Variants in PRDM15 observed in about 807,000 individuals in gnomAD.
PRDM15 encodes PR domain zinc finger protein 15.
PRDM15 carries 64 observed loss-of-function variants against 128.6 expected under a neutral mutation model. The ratio of observed to expected loss-of-function variants is 0.50; its 90% CI spans 0.41 to 0.61. The LOEUF (loss-of-function observed/expected upper bound fraction) is 0.61. Among genes scored for constraint, PRDM15 ranks in the 20% least tolerant of loss-of-function variants. PRDM15 has a pLI of 0.00. For missense variants in PRDM15, 1,242 were observed against 1,569.1 expected, an observed-to-expected ratio of 0.79 and a Z score of 3.52; for synonymous variants, 615 against 621.8, an observed-to-expected ratio of 0.99 and a Z score of 0.16.
chr21:41,811,878 C>T lies in PRDM15; in HGVS notation c.2393-1042G>A, dbSNP rs7283957. 5 of 151,884 alleles carry T rather than the reference C, an allele frequency of 3.3e-5. No homozygotes were observed. In the East Asian group the frequency reaches 5.8e-4, roughly 18 times the overall value. 9.4% of individuals were successfully genotyped at this position (151,884 alleles called of 1,614,324 possible). A position where few individuals can be genotyped will look rare whatever the true frequency, so the allele number is the denominator to read the frequency against. On this transcript the variant is annotated intron_variant, in intron 19 of 23. Coordinates refer to ENST00000398548, the MANE Select transcript of PRDM15 (RefSeq NM_001040424.3). This position sits in a 1 kb window ranked among gnomAD's most constrained non-coding sequence, Gnocchi z 4.1. ...TTTTTGTATTTTTAGTAGAGACGGG[C>T]TTTCACCGTGGTCTCGATCTCCTGA...
chr21:41,849,165 C>T (rs765088624), intron 5 of PRDM15, among the ~76,000 whole-genome samples: 9 of 152,244 alleles, frequency 5.9e-5, no homozygotes, highest in Non-Finnish European at 1.2e-4. Context: ...AACAGCCTGG[C>T]ATTCCAGTGG....
At chr21:41,861,584 T>G in intron 1 of PRDM15, 1 of 1,605,656 alleles carries the variant, frequency 6.2e-7, no homozygotes, top group Non-Finnish European at 8.5e-7. Flanking sequence ...TCCTGCAACC[T>G]GCTTCTCTGA....
At chr21:41,867,941 C>T (rs542314915) in intron 1 of PRDM15, among the ~76,000 whole-genome samples, 70 of 151,750 alleles carry the variant, frequency 4.6e-4, no homozygotes, top group Non-Finnish European at 8.2e-4. Context: ...CCTGTAATCC[C>T]AGCTACTTGG....
intron 6 of PRDM15, among the ~76,000 whole-genome samples, chr21:41,845,374 T>A (rs1338196241): frequency 6.8e-6 from 1 of 146,910 alleles, no homozygotes; most frequent in Non-Finnish European, 1.5e-5. Flanking sequence ...TTGGGGCTGC[T>A]CCTCAGTCTC....
Position 41,879,108 on chromosome 21 carries a change from TC to T in PRDM15, c.-10+161del. 1 of 1,088,864 alleles carries T rather than the reference TC, an allele frequency of 9.2e-7. No homozygotes were observed. Among genetic ancestry groups the T allele is most frequent in the South Asian group, 2.4e-5 (1 of 42,356 alleles). 67.5% of individuals were successfully genotyped at this position (1,088,864 alleles called of 1,614,324 possible). A position where few individuals can be genotyped will look rare whatever the true frequency, so the allele number is the denominator to read the frequency against. On this transcript the variant is annotated intron_variant, in intron 1 of 23. Transcript: ENST00000398548. The surrounding 1 kb of genome is among the most constrained non-coding windows in gnomAD (Gnocchi z 5.1). Reference sequence around the variant, plus strand: ...AGCCGGCGAATGTAACAAAGAACAGTCGGCATGGCGGCTGGACCGGGGCGGC... The same window carrying T: ...AGCCGGCGAATGTAACAAAGAACAGTGGCATGGCGGCTGGACCGGGGCGGC...
chr21:41,852,209 G>C (rs1171788754), intron 5 of PRDM15, among the ~76,000 whole-genome samples: 4 of 152,278 alleles, frequency 2.6e-5, no homozygotes, highest in Non-Finnish European at 5.9e-5. Context: ...CCTTAGCCTT[G>C]AGGGTGGTGA....
chr21:41,843,830 T>C (rs866757529), intron 6 of PRDM15, among the ~76,000 whole-genome samples: 4 of 152,106 alleles, frequency 2.6e-5, no homozygotes, highest in Middle Eastern at 3.4e-3. Flanking sequence ...TCACCTGTAG[T>C]TCCAGCTACT....
chr21:41,854,848 G>T lies in PRDM15; in HGVS notation c.286-30C>A. ...AGGTGAGTCGGCCCATGGAGAAGCC[G>T]GGGAAATGGCTGATTACCCATCTGT... On this transcript the variant is annotated intron_variant, in intron 4 of 23. Coordinates refer to ENST00000398548, the MANE Select transcript of PRDM15 (RefSeq NM_001040424.3). The surrounding 1 kb of genome is among the most constrained non-coding windows in gnomAD (Gnocchi z 4.6). 6.3e-7 allele frequency: 1 copy of T among 1,578,444 alleles called. No homozygotes were observed.
intron 1 of PRDM15, among the ~76,000 whole-genome samples, chr21:41,861,379 CAT>C (rs568445521): frequency 2.3e-3 from 357 of 152,306 alleles, no homozygotes; most frequent in African/African-American, 8.2e-3. Flanking sequence ...CCCCCACACA[CAT>C]ATATTCACAG....
chr21:41,822,833 A>AC (rs2062327379), intron 14 of PRDM15, among the ~76,000 whole-genome samples: 2 of 152,048 alleles, frequency 1.3e-5, no homozygotes, highest in Admixed American at 1.3e-4. Context: ...TCAGGAGTTC[A>AC]AGACCAGCCG....
At chr21:41,803,963 AT>A (rs72214468) in intron 22 of PRDM15, among the ~76,000 whole-genome samples, 45,995 of 132,148 alleles carry the variant, frequency 0.35, 7,267 homozygotes, top group East Asian at 0.41. Flanking sequence ...GATTGTTCTG[AT>A]TTTTTTTTTT....
In PRDM15 at chr21:41,828,972, CCACGCA is replaced by C. The variant is rs1393890255; in HGVS notation, c.1367-645_1367-640del. Reference sequence around the variant, plus strand: ...CAATCACACACACCACATACACACACCACGCACACATGCCCCACACAAATACACAAC... The same window carrying C: ...CAATCACACACACCACATACACACACCACATGCCCCACACAAATACACAAC... On this transcript the variant is annotated intron_variant, in intron 11 of 23. Transcript: ENST00000398548. This position sits in a 1 kb window ranked among gnomAD's most constrained non-coding sequence, Gnocchi z 5.7. Among the ~76,000 whole-genome samples the C allele has an allele frequency of 7.0e-6, 1 of 143,238 alleles. No individual in the cohort carries two copies. Among genetic ancestry groups the C allele is most frequent in the Admixed American group, 6.8e-5 (1 of 14,624 alleles). The allele number at this position is 143,238 out of a possible 152,430, so 94.0% of individuals were successfully genotyped here. A position where few individuals can be genotyped will look rare whatever the true frequency, so the allele number is the denominator to read the frequency against.
rs931423156 is a variant in PRDM15 at position 41,811,060 on chromosome 21, A to C, written c.2393-224T>G. 1.9e-6 allele frequency: 1 copy of C among 528,996 alleles called. No homozygotes were observed. The highest frequency in any genetic ancestry group is 3.1e-5 in the Admixed American group (1 of 32,482). 32.8% of individuals were successfully genotyped at this position (528,996 alleles called of 1,614,324 possible). ...TGACATTTCATATCAAAAAAACATG[A>C]GATGTGGGAAAGGCTGTCTGAAAAC... On this transcript the variant is annotated intron_variant, in intron 19 of 23. Transcript: ENST00000398548. The surrounding 1 kb of genome is among the most constrained non-coding windows in gnomAD (Gnocchi z 4.1).
At chr21:41,852,673 C>A (rs1001928018) in intron 5 of PRDM15, among the ~76,000 whole-genome samples, 2 of 152,194 alleles carry the variant, frequency 1.3e-5, no homozygotes, top group Admixed American at 6.5e-5. Context: ...CCAACCTGGC[C>A]GAAGAGGACG....
chr21:41,852,648 A>G (rs1329999197), intron 5 of PRDM15, among the ~76,000 whole-genome samples: 1 of 152,120 alleles, frequency 6.6e-6, no homozygotes, highest in Admixed American at 6.5e-5. Context: ...CCCCCAGTAC[A>G]CTCAGCTCAC....
chr21:41,810,173 A>C lies in PRDM15; in HGVS notation c.2633T>G (p.Met878Arg), dbSNP rs1157430897. 1.9e-6 allele frequency: 3 copies of C among 1,610,372 alleles called. No individual in the cohort carries two copies. Among genetic ancestry groups the C allele is most frequent in the Non-Finnish European group, 2.5e-6 (3 of 1,179,078 alleles). Residue 878 changes from methionine to arginine, a missense_variant, in exon 21 of 24, where the codon ATG (methionine) becomes AGG (arginine). By Grantham distance (91) the Met-to-Arg change is moderately conservative. Transcript: ENST00000398548. This position sits in a 1 kb window ranked among gnomAD's most constrained non-coding sequence, Gnocchi z 6.4. Reference sequence around the variant, plus strand: ...GCTCACCTCGGGGTGCTTGCGCCGCATGTGTCGGCTCATGGAGGCCCTGGT... The same window carrying C: ...GCTCACCTCGGGGTGCTTGCGCCGCCTGTGTCGGCTCATGGAGGCCCTGGT... Reference protein sequence around the residue: ...VSTRASMSRHMRRKHPEVLAV... With the variant: ...VSTRASMSRHRRRKHPEVLAV...
In PRDM15 at chr21:41,871,656, G is replaced by A. The variant is rs138273025; in HGVS notation, c.-10+7614C>T. On this transcript the variant is annotated intron_variant, in intron 1 of 23. Coordinates refer to ENST00000398548, the MANE Select transcript of PRDM15 (RefSeq NM_001040424.3). ...AACAGTGGGTCACGAAAGTAGACAT[G>A]AGAAGCCCACTGTCCCTCTCCACGT... 2,389 of 1,584,746 alleles carry A rather than the reference G, an allele frequency of 1.5e-3. 1 individual carries two copies. Among genetic ancestry groups the A allele is most frequent in the Non-Finnish European group, 1.8e-3 (2,101 of 1,160,470 alleles).
In PRDM15 at chr21:41,859,093, C is replaced by T; in HGVS notation, c.131+499G>A. On this transcript the variant is annotated intron_variant, in intron 3 of 23. Coordinates refer to ENST00000398548, the MANE Select transcript of PRDM15 (RefSeq NM_001040424.3). The surrounding 1 kb of genome is among the most constrained non-coding windows in gnomAD (Gnocchi z 5.3). ...TGAGGGTGGAACGGCAGGGCAGCTG[C>T]TGCCCACTGAGCCGCCTCACCAGGC... 1 of 1,591,954 alleles carries T rather than the reference C, an allele frequency of 6.3e-7. No individual in the cohort carries two copies. Among genetic ancestry groups the T allele is most frequent in the Non-Finnish European group, 8.5e-7 (1 of 1,170,804 alleles).
At chr21:41,869,815 T>C (rs2064148053) in intron 1 of PRDM15, among the ~76,000 whole-genome samples, 1 of 152,252 alleles carries the variant, frequency 6.6e-6, no homozygotes, top group Non-Finnish European at 1.5e-5. Context: ...TTGTATAAGC[T>C]GAGAGGCTGA....
Sources: gnomAD v4.1 joint callset for allele counts (sites outside exome capture counted in the v4.1 genomes callset) on GRCh38, gnomAD v4.1.1 for gene constraint, Gnocchi (gnomAD v3.1) non-coding constraint, MANE v1.5 for transcripts, NCBI Gene and HGNC (gene_info 2026-07-23, HGNC 2026-07-21) for gene names.